NRG3: variants seen among roughly 807,000 people sequenced by gnomAD.
NRG3 encodes neuregulin 3, also known as pro-neuregulin-3, membrane-bound isoform.
A neutral mutation model predicts 66.9 loss-of-function variants in NRG3; 31 were observed. The ratio of observed to expected loss-of-function variants is 0.46; its 90% CI spans 0.35 to 0.63. The LOEUF (loss-of-function observed/expected upper bound fraction) is 0.63. NRG3 is among the 20% of genes least tolerant of loss of function. NRG3 has a pLI of 0.00. For missense variants in NRG3, 910 were observed against 878.9 expected, an observed-to-expected ratio of 1.04 and a Z score of -0.45; for synonymous variants, 393 against 359.4, an observed-to-expected ratio of 1.09 and a Z score of -1.06.
intron 2 of NRG3, among the ~76,000 whole-genome samples, chr10:82,457,952 G>A (rs1006327553): frequency 2.0e-5 from 3 of 152,192 alleles, no homozygotes; most frequent in Non-Finnish European, 4.4e-5. Context: ...CTTGATGCAC[G>A]TCAAAAAGAG....
chr10:81,966,294 A>T (rs1439489661), intron 1 of NRG3, among the ~76,000 whole-genome samples: 1 of 150,342 alleles, frequency 6.7e-6, no homozygotes, highest in Non-Finnish European at 1.5e-5. Context: ...ATTTTTATAT[A>T]AATGTAATAT....
At chr10:82,036,423 A>T (rs758198708) in intron 1 of NRG3, among the ~76,000 whole-genome samples, 6 of 152,048 alleles carry the variant, frequency 3.9e-5, no homozygotes, top group Non-Finnish European at 5.9e-5. Flanking sequence ...TATTATCCCC[A>T]TTTCACAGAT....
intron 1 of NRG3, among the ~76,000 whole-genome samples, chr10:81,895,483 T>C (rs1193550514): frequency 6.6e-6 from 1 of 152,226 alleles, no homozygotes; most frequent in Admixed American, 6.5e-5. Context: ...TTTCATTTAA[T>C]GTGGATGTTA....
At chr10:82,548,942 T>C (rs941220105) in intron 2 of NRG3, among the ~76,000 whole-genome samples, 3 of 152,134 alleles carry the variant, frequency 2.0e-5, no homozygotes, top group African/African-American at 7.2e-5. Context: ...ATTTAAATTT[T>C]ACACATGCAG....
chr10:82,759,290 C>T (rs887261447), intron 3 of NRG3, among the ~76,000 whole-genome samples: 1 of 152,074 alleles, frequency 6.6e-6, no homozygotes, highest in Non-Finnish European at 1.5e-5. Flanking sequence ...TCACCAGATG[C>T]AGCTGATACA....
chr10:82,521,532 G>T (rs958701709), intron 2 of NRG3, among the ~76,000 whole-genome samples: 3 of 152,054 alleles, frequency 2.0e-5, no homozygotes, highest in Non-Finnish European at 4.4e-5. Flanking sequence ...AGTAGAGAAG[G>T]GGTTTCACCG....
intron 2 of NRG3, among the ~76,000 whole-genome samples, chr10:82,728,297 A>T (rs540146717): frequency 6.6e-6 from 1 of 152,134 alleles, no homozygotes; most frequent in South Asian, 2.1e-4. Flanking sequence ...CCCAAATCCC[A>T]TCTTGAATTG....
At chr10:82,873,135 C>T (rs1841495998) in intron 4 of NRG3, among the ~76,000 whole-genome samples, 1 of 152,038 alleles carries the variant, frequency 6.6e-6, no homozygotes, top group Non-Finnish European at 1.5e-5. Context: ...TAATGATGCT[C>T]CTGGGATTGG....
intron 2 of NRG3, among the ~76,000 whole-genome samples, chr10:82,449,862 G>T (rs546636255): frequency 1.3e-5 from 2 of 152,264 alleles, no homozygotes; most frequent in East Asian, 3.9e-4. Context: ...CTCATTCAGG[G>T]CTGTAAGAAC....
At chr10:82,952,561 A>C (rs1245255593) in intron 5 of NRG3, among the ~76,000 whole-genome samples, 3 of 148,096 alleles carry the variant, frequency 2.0e-5, no homozygotes, top group Non-Finnish European at 4.4e-5. Flanking sequence ...TTCATTTATT[A>C]AAATGATATA....
chr10:81,878,018 A>G, intron 1 of NRG3: 2 of 1,537,670 alleles, frequency 1.3e-6, no homozygotes, highest in Non-Finnish European at 1.7e-6. Flanking sequence ...GGGACTACAC[A>G]CGGTAGGGGT....
At chr10:82,714,896 G>T (rs1181208454) in intron 2 of NRG3, among the ~76,000 whole-genome samples, 3 of 151,994 alleles carry the variant, frequency 2.0e-5, no homozygotes, top group African/African-American at 7.3e-5. Flanking sequence ...TATTAACTAT[G>T]TTTTATATTA....
rs186960542 is a variant in NRG3, at chr10:82,617,468, A to C, written c.954-121109A>C. 5.8e-4 allele frequency among the ~76,000 whole-genome samples: 88 copies of C among 152,246 alleles called. 1 individual carries two copies. Among genetic ancestry groups the C allele is most frequent in the African/African-American group, 2.0e-3 (82 of 41,564 alleles). ...GGAGTCTGACACCAGCGAGTTTGTG[A>C]GGAAGGGGAAGGCCAAGGACTTCTA... On this transcript the variant is annotated intron_variant, in intron 2 of 8. Transcript: ENST00000372141.
chr10:82,662,046 GAGAGCCCAA>G (rs1205409132), intron 2 of NRG3, among the ~76,000 whole-genome samples: 1 of 152,186 alleles, frequency 6.6e-6, no homozygotes, highest in African/African-American at 2.4e-5. Flanking sequence ...AGCCAGGAAA[GAGAGCCCAA>G]AGCCAAATGC....
chr10:82,312,703 C>G (rs553217984), intron 1 of NRG3, among the ~76,000 whole-genome samples: 1 of 151,302 alleles, frequency 6.6e-6, no homozygotes, highest in Non-Finnish European at 1.5e-5. Context: ...AGATCAAAAA[C>G]GAAAAAGAAA....
chr10:81,955,175 A>G lies in NRG3; in HGVS notation c.823+79012A>G, dbSNP rs141395482. ...TAGAATATATAATATATATAATACT[A>G]TATATATTATATATATATACACACA... On this transcript the variant is annotated intron_variant, in intron 1 of 8. Coordinates refer to ENST00000372141, the MANE Select transcript of NRG3 (RefSeq NM_001010848.4). Among the ~76,000 whole-genome samples the G allele has an allele frequency of 3.0e-3, 451 of 147,976 alleles. 3 individuals carry two copies. Among genetic ancestry groups the G allele is most frequent in the African/African-American group, 0.01 (428 of 40,830 alleles).
chr10:82,926,102 G>A (rs1455643606), intron 4 of NRG3, among the ~76,000 whole-genome samples: 1 of 152,148 alleles, frequency 6.6e-6, no homozygotes, highest in East Asian at 1.9e-4. Context: ...AACCAACTAT[G>A]GATAGAAAAT....
intron 3 of NRG3, among the ~76,000 whole-genome samples, chr10:82,767,865 T>G (rs891959963): frequency 2.0e-5 from 3 of 146,542 alleles, no homozygotes; most frequent in African/African-American, 8.1e-5. Flanking sequence ...TTCTATGAAT[T>G]ATCTCTGTTC....
intron 1 of NRG3, among the ~76,000 whole-genome samples, chr10:82,048,806 C>A (rs1380619479): frequency 6.0e-5 from 9 of 150,992 alleles, no homozygotes; most frequent in Non-Finnish European, 1.2e-4. Context: ...TTAATGAATC[C>A]AGGAGCTGGT....
Sources: allele counts gnomAD v4.1 joint callset (sites outside exome capture counted in the v4.1 genomes callset), GRCh38; gene constraint gnomAD v4.1.1; transcripts MANE v1.5; gene names NCBI Gene and HGNC (gene_info 2026-07-23, HGNC 2026-07-21).